CEP128: variants seen among roughly 807,000 people sequenced by gnomAD.
The protein encoded by CEP128 is centrosomal protein 128.
Under a neutral mutation model 156.7 loss-of-function variants are expected in CEP128, and 132 were observed. The ratio of observed to expected loss-of-function variants is 0.84; its 90% CI spans 0.73 to 0.97. The LOEUF is 0.97. Ranked by LOEUF, CEP128 falls within the 50% of genes least tolerant of loss-of-function variation. The probability of loss-of-function intolerance (pLI) is 0.00; values close to 1 mark genes in which losing one functional copy is unlikely to be tolerated. For missense variants in CEP128, 1,252 were observed against 1,281.9 expected (o/e 0.98, Z 0.36); for synonymous variants, 469 against 448.9 (o/e 1.04, Z -0.57).
At chr14:80,598,724 T>C (rs1373953002) in intron 19 of CEP128, among the ~76,000 whole-genome samples, 1 of 152,192 alleles carries the variant, frequency 6.6e-6, no homozygotes, top group Admixed American at 6.5e-5. Context: ...TCTAGAGTTA[T>C]TATGGAGTTA....
At chr14:80,698,538 C>A (rs1247203169) in intron 19 of CEP128, among the ~76,000 whole-genome samples, 4 of 151,988 alleles carry the variant, frequency 2.6e-5, no homozygotes, top group Admixed American at 2.6e-4. Context: ...GCAGCAGAAC[C>A]AATTATCAAC....
At chr14:80,793,710 T>C (rs1901838257) in intron 13 of CEP128, among the ~76,000 whole-genome samples, 1 of 152,188 alleles carries the variant, frequency 6.6e-6, no homozygotes, top group African/African-American at 2.4e-5. Context: ...TACAGATTTA[T>C]AAATACACTT....
intron 19 of CEP128, among the ~76,000 whole-genome samples, chr14:80,605,330 C>T (rs8004240): frequency 0.61 from 93,264 of 151,720 alleles, 29,820 homozygotes; most frequent in African/African-American, 0.8. Context: ...TCCCTAAAAC[C>T]TTTTAGGAAT....
chr14:80,834,536 G>T (rs1210010789), intron 12 of CEP128, among the ~76,000 whole-genome samples: 1 of 152,088 alleles, frequency 6.6e-6, no homozygotes, highest in Admixed American at 6.6e-5. Context: ...CTGTAAAGAT[G>T]AAAAACTCTA....
chr14:80,893,531 T>C (rs1487925109), intron 8 of CEP128, among the ~76,000 whole-genome samples: 7 of 151,114 alleles, frequency 4.6e-5, no homozygotes, highest in Admixed American at 4.6e-4. Flanking sequence ...TGGGTAACTG[T>C]GAAATGACAG....
At chr14:80,921,105 A>T (rs1217238961) in intron 2 of CEP128, among the ~76,000 whole-genome samples, 1 of 152,246 alleles carries the variant, frequency 6.6e-6, no homozygotes, top group Non-Finnish European at 1.5e-5. Context: ...TTAATGACAA[A>T]GCACGGGATA....
At chr14:80,497,685 C>G (rs1259183138) in intron 24 of CEP128, 103 bp from the exon 25 acceptor site, 1 of 714,976 alleles carries the variant, frequency 1.4e-6, no homozygotes, top group Non-Finnish European at 2.4e-6. Context: ...GGTATTTGAT[C>G]GAGTTTTCTA....
chr14:80,669,232 GA>G (rs1895745590), intron 19 of CEP128, among the ~76,000 whole-genome samples: 1 of 152,096 alleles, frequency 6.6e-6, no homozygotes, highest in African/African-American at 2.4e-5. Flanking sequence ...AAAATCTAGG[GA>G]AAACTCTTCT....
In CEP128 at chr14:80,753,663, T is replaced by A. The variant is rs73340541; in HGVS notation, c.2613+3229A>T. Among the ~76,000 whole-genome samples the A allele has an allele frequency of 8.1e-3, 1,236 of 152,330 alleles. 17 individuals carry two copies. The highest frequency in any genetic ancestry group is 0.028 in the African/African-American group (1,148 of 41,580). On this transcript the variant is annotated intron_variant, in intron 18 of 24. Transcript: ENST00000555265. ...GCCATGATGTGAACAAAAACTGTGA[T>A]CTGTGTCTTTGTCCTTGCTTCTCTT...
chr14:80,906,975 A>C (rs1883918793), intron 4 of CEP128, among the ~76,000 whole-genome samples: 1 of 152,222 alleles, frequency 6.6e-6, no homozygotes, highest in Non-Finnish European at 1.5e-5. Context: ...TTTAAGTAGA[A>C]TGTCAAAACA....
intron 21 of CEP128, among the ~76,000 whole-genome samples, chr14:80,555,811 T>A (rs1042500159): frequency 6.6e-6 from 1 of 152,172 alleles, no homozygotes; most frequent in Non-Finnish European, 1.5e-5. Context: ...ATCACAATGA[T>A]GCAATGATGC....
chr14:80,751,418 T>C (rs944027911), intron 18 of CEP128, among the ~76,000 whole-genome samples: 1 of 152,162 alleles, frequency 6.6e-6, no homozygotes, highest in Non-Finnish European at 1.5e-5. Flanking sequence ...CTTCATTAAG[T>C]GTCTTGAGGA....
chr14:80,878,924 C>A (rs745519300), intron 8 of CEP128, among the ~76,000 whole-genome samples: 2 of 152,166 alleles, frequency 1.3e-5, no homozygotes, highest in African/African-American at 2.4e-5. Context: ...CACGTCAGAT[C>A]CAACTTCAAG....
chr14:80,554,334 ACTTACT>A (rs1275995523), intron 21 of CEP128, among the ~76,000 whole-genome samples: 8 of 152,288 alleles, frequency 5.3e-5, no homozygotes, highest in Non-Finnish European at 1.0e-4. Flanking sequence ...AAATTCCCTT[ACTTACT>A]CTTATGCTTG....
At chr14:80,771,470 T>C (rs1900506080) in intron 16 of CEP128, among the ~76,000 whole-genome samples, 1 of 152,214 alleles carries the variant, frequency 6.6e-6, no homozygotes, top group African/African-American at 2.4e-5. Context: ...AAGATCCATA[T>C]GTTGTATAAG....
chr14:80,831,960 T>A (rs1177655937), intron 12 of CEP128, among the ~76,000 whole-genome samples: 1 of 152,178 alleles, frequency 6.6e-6, no homozygotes, highest in African/African-American at 2.4e-5. Context: ...GAATTGTAGC[T>A]CCCGTAATTC....
chr14:80,595,218 G>A (rs1892261581), intron 19 of CEP128, among the ~76,000 whole-genome samples: 1 of 152,124 alleles, frequency 6.6e-6, no homozygotes, highest in Non-Finnish European at 1.5e-5. Context: ...AACTAACACA[G>A]GAATGGAAAA....
At chr14:80,479,140 A>G (rs1015003561) in intron 14 of CEP128, among the ~76,000 whole-genome samples, 12 of 152,248 alleles carry the variant, frequency 7.9e-5, no homozygotes, top group African/African-American at 2.9e-4. Context: ...AAGCTCAGAA[A>G]TGTTAAGTAA....
At chr14:80,724,998 C>G (rs1208970794) in intron 19 of CEP128, among the ~76,000 whole-genome samples, 1 of 143,804 alleles carries the variant, frequency 7.0e-6, no homozygotes, top group East Asian at 2.0e-4. Flanking sequence ...ATACATATAT[C>G]ATATATATAT....
Sources: gnomAD v4.1 joint callset for allele counts (sites outside exome capture counted in the v4.1 genomes callset) on GRCh38, gnomAD v4.1.1 for gene constraint, MANE v1.5 for transcripts, NCBI Gene and HGNC (gene_info 2026-07-23, HGNC 2026-07-21) for gene names.